Variants in SETBP1 observed in about 807,000 individuals in gnomAD.
SETBP1 encodes SET binding protein 1.
SETBP1 carries 9 observed loss-of-function variants against 101.0 expected under a neutral mutation model. That is an observed-to-expected ratio of 0.09 (90% CI 0.05 to 0.16). SETBP1 has a LOEUF of 0.16. Among genes scored for constraint, SETBP1 ranks in the 10% least tolerant of loss-of-function variants. SETBP1 has a pLI of 1.00. For missense variants in SETBP1, 1,858 were observed against 2,033.8 expected, an observed-to-expected ratio of 0.91 and a Z score of 1.66; for synonymous variants, 818 against 788.5, an observed-to-expected ratio of 1.04 and a Z score of -0.63.
At chr18:44,789,033 G>A (rs1219924218) in intron 2 of SETBP1, among the ~76,000 whole-genome samples, 2 of 151,858 alleles carry the variant, frequency 1.3e-5, no homozygotes, top group East Asian at 3.9e-4. Flanking sequence ...GAATCCCTGG[G>A]CTCAAGTAAT....
chr18:44,966,328 G>T (rs915695185), intron 4 of SETBP1, among the ~76,000 whole-genome samples: 15 of 152,028 alleles, frequency 9.9e-5, no homozygotes, highest in African/African-American at 3.6e-4. Flanking sequence ...ATGTCATAGT[G>T]AGCCCCTTAC....
chr18:44,710,889 C>T (rs1225140775), intron 2 of SETBP1, among the ~76,000 whole-genome samples: 1 of 152,212 alleles, frequency 6.6e-6, no homozygotes, highest in Non-Finnish European at 1.5e-5. Flanking sequence ...GCTCTGATCA[C>T]TCCCCTATGG....
intron 4 of SETBP1, among the ~76,000 whole-genome samples, chr18:45,005,581 C>T (rs2072705820): frequency 6.6e-6 from 1 of 151,942 alleles, no homozygotes; most frequent in Non-Finnish European, 1.5e-5. Flanking sequence ...GGGCAATAAG[C>T]CTTCAAAGGT....
intron 4 of SETBP1, among the ~76,000 whole-genome samples, chr18:45,033,095 G>A (rs2073330066): frequency 6.6e-6 from 1 of 151,986 alleles, no homozygotes. Context: ...TCCCCTTATT[G>A]CCATGAATGA....
At position 44,701,304 on chromosome 18, in the gene SETBP1, C is replaced by T; in HGVS notation, c.-43C>T. 6.9e-7 allele frequency: 1 copy of T among 1,452,092 alleles called. No individual in the cohort carries two copies. Among genetic ancestry groups the T allele is most frequent in the Non-Finnish European group, 9.1e-7 (1 of 1,099,908 alleles). The allele number at this position is 1,452,092 out of a possible 1,614,324, so 90.0% of individuals were successfully genotyped here. A position where few individuals can be genotyped will look rare whatever the true frequency, so the allele number is the denominator to read the frequency against. On this transcript the variant is annotated 5_prime_UTR_variant, in exon 2 of 6. Coordinates refer to ENST00000649279, the MANE Select transcript of SETBP1 (RefSeq NM_015559.3). ...TCTCACCTTTCCCTTTTCCCTTTTC[C>T]CCTTCCCCCTCCTGAGAACTCCGGA...
chr18:44,861,221 T>TTTC (rs1461269717), intron 2 of SETBP1, among the ~76,000 whole-genome samples: 1 of 133,752 alleles, frequency 7.5e-6, no homozygotes, highest in Non-Finnish European at 1.6e-5. Flanking sequence ...GGATTTCCTT[T>TTTC]TTCTTTTCTT....
intron 2 of SETBP1, among the ~76,000 whole-genome samples, chr18:44,703,308 A>C (rs927068811): frequency 1.6e-5 from 2 of 123,698 alleles, no homozygotes; most frequent in African/African-American, 6.2e-5. Context: ...TCTTTTCTTT[A>C]TAGCCCGAAG....
chr18:44,692,086 C>T (rs2068944478), intron 1 of SETBP1, among the ~76,000 whole-genome samples: 1 of 152,214 alleles, frequency 6.6e-6, no homozygotes, highest in African/African-American at 2.4e-5. Flanking sequence ...CTGTGCTTCT[C>T]ACTGTGTAGC....
chr18:45,000,293 A>C (rs902436821), intron 4 of SETBP1, among the ~76,000 whole-genome samples: 1 of 152,236 alleles, frequency 6.6e-6, no homozygotes, highest in Non-Finnish European at 1.5e-5. Flanking sequence ...TGTTAGTAGA[A>C]TCAAGTCATT....
chr18:44,692,199 A>G (rs769773105), intron 1 of SETBP1, among the ~76,000 whole-genome samples: 1 of 152,228 alleles, frequency 6.6e-6, no homozygotes, highest in Non-Finnish European at 1.5e-5. Flanking sequence ...GTGATCAACT[A>G]TGGGAGTAAA....
At chr18:44,744,760 C>A (rs2070191222) in intron 2 of SETBP1, among the ~76,000 whole-genome samples, 1 of 143,610 alleles carries the variant, frequency 7.0e-6, no homozygotes, top group Non-Finnish European at 1.5e-5. Context: ...CATCGTCCAA[C>A]CCTCCTCTTA....
chr18:44,812,525 A>T (rs986806675), intron 2 of SETBP1, among the ~76,000 whole-genome samples: 2 of 152,088 alleles, frequency 1.3e-5, no homozygotes, highest in African/African-American at 2.4e-5. Flanking sequence ...TATTCTCCTC[A>T]TGATTGCATG....
chr18:44,758,033 C>T (rs774284375), intron 2 of SETBP1, among the ~76,000 whole-genome samples: 1 of 152,106 alleles, frequency 6.6e-6, no homozygotes, highest in African/African-American at 2.4e-5. Flanking sequence ...AAGGTTGAGG[C>T]GGGGTGGAGG....
intron 2 of SETBP1, among the ~76,000 whole-genome samples, chr18:44,727,529 C>G (rs1226396092): frequency 6.6e-6 from 1 of 152,168 alleles, no homozygotes; most frequent in African/African-American, 2.4e-5. Flanking sequence ...TGTATGAGCC[C>G]TGTAGTAAGT....
intron 5 of SETBP1, among the ~76,000 whole-genome samples, chr18:45,050,527 G>A (rs968988908): frequency 6.6e-6 from 1 of 152,166 alleles, no homozygotes; most frequent in Non-Finnish European, 1.5e-5. Context: ...TCTTCCCCAG[G>A]AATTATGTTT....
chr18:44,824,167 G>A (rs2072182658), intron 2 of SETBP1, among the ~76,000 whole-genome samples: 1 of 152,160 alleles, frequency 6.6e-6, no homozygotes, highest in African/African-American at 2.4e-5. Flanking sequence ...TTTGGTGGGG[G>A]TAGGGCAGGG....
At chr18:44,928,933 A>G (rs1568221523) in intron 3 of SETBP1, among the ~76,000 whole-genome samples, 1 of 152,096 alleles carries the variant, frequency 6.6e-6, no homozygotes, top group Non-Finnish European at 1.5e-5. Flanking sequence ...TCTTTAGTTT[A>G]ATTAGATCCC....
At chr18:44,840,307 T>C (rs1440959266) in intron 2 of SETBP1, among the ~76,000 whole-genome samples, 2 of 152,224 alleles carry the variant, frequency 1.3e-5, no homozygotes, top group Non-Finnish European at 2.9e-5. Context: ...TTGGCTCAAA[T>C]TCACCAGCAT....
At position 44,810,419 on chromosome 18, in the gene SETBP1, G is replaced by A. The variant is rs138204613; in HGVS notation, c.487-58811G>A. ...TAGAATCCCTTAATACAGATGGAGG[G>A]TTGGTAACTTTACAGTATTGGCTGA... On this transcript the variant is annotated intron_variant, in intron 2 of 5. Transcript: ENST00000649279. Among the ~76,000 whole-genome samples the A allele has an allele frequency of 5.1e-3, 776 of 152,326 alleles. 7 individuals carry two copies. The highest frequency in any genetic ancestry group is 0.018 in the African/African-American group (730 of 41,564).
Sources: allele counts gnomAD v4.1 joint callset (sites outside exome capture counted in the v4.1 genomes callset), GRCh38; gene constraint gnomAD v4.1.1; transcripts MANE v1.5; gene names NCBI Gene and HGNC (gene_info 2026-07-23, HGNC 2026-07-21).